Variants in NAALADL2 observed in about 807,000 individuals in gnomAD.
NAALADL2 encodes the protein N-acetylated alpha-linked acidic dipeptidase like 2, also known as inactive N-acetylated-alpha-linked acidic dipeptidase-like protein 2.
Under a neutral mutation model 87.2 loss-of-function variants are expected in NAALADL2, and 76 were observed. The ratio of observed to expected loss-of-function variants is 0.87; its 90% CI spans 0.72 to 1.05. The LOEUF (loss-of-function observed/expected upper bound fraction) is 1.05, where lower values mean the gene tolerates loss of function less well. NAALADL2 is among the 50% of genes least tolerant of loss of function. NAALADL2 has a pLI of 0.00. For missense variants in NAALADL2, 1,089 were observed against 945.8 expected, an observed-to-expected ratio of 1.15 and a Z score of -1.99; for synonymous variants, 354 against 331.0, an observed-to-expected ratio of 1.07 and a Z score of -0.75.
intron 1 of NAALADL2, among the ~76,000 whole-genome samples, chr3:175,011,889 A>G (rs2108808747): frequency 6.6e-6 from 1 of 152,272 alleles, no homozygotes; most frequent in East Asian, 1.9e-4. Context: ...AATAAAATTA[A>G]GTAGTATTAT....
intron 13 of NAALADL2, among the ~76,000 whole-genome samples, chr3:175,787,468 C>T (rs1205584314): frequency 2.6e-5 from 4 of 152,258 alleles, no homozygotes; most frequent in South Asian, 2.1e-4. Context: ...GGGAGTGACC[C>T]GATTTTCCAG....
chr3:175,024,926 C>T (rs1752028883), intron 1 of NAALADL2, among the ~76,000 whole-genome samples: 1 of 151,934 alleles, frequency 6.6e-6, no homozygotes, highest in Non-Finnish European at 1.5e-5. Flanking sequence ...ACCAGGCATA[C>T]AAACAGCATT....
intron 9 of NAALADL2, among the ~76,000 whole-genome samples, chr3:175,508,976 C>G (rs778170810): frequency 2.0e-5 from 3 of 151,902 alleles, no homozygotes; most frequent in Non-Finnish European, 4.4e-5. Context: ...ATTAGCCAGG[C>G]CTGCTAGCGC....
At position 174,642,767 on chromosome 3, in the gene NAALADL2, TATATATATATATATATATATA is replaced by T. The variant is rs1167522199; in HGVS notation, c.-115+92131_-115+92151del. ...AAAAAAACATATATATATATATATA[TATATATATATATATATATATA>T]TGTTTTTTTTCATGAAACTGGATCT... On this transcript the variant is annotated intron_variant, in intron 2 of 3. Transcript: ENST00000434257. Among the ~76,000 whole-genome samples the T allele has an allele frequency of 3.7e-3, 143 of 38,512 alleles. 1 individual carries two copies. Among genetic ancestry groups the T allele is most frequent in the African/African-American group, 0.017 (133 of 8,038 alleles). The allele number at this position is 38,512 out of a possible 152,430, so 25.3% of individuals were successfully genotyped here.
chr3:175,407,498 C>T (rs1435116849), intron 5 of NAALADL2, among the ~76,000 whole-genome samples: 2 of 152,096 alleles, frequency 1.3e-5, no homozygotes, highest in Admixed American at 6.6e-5. Flanking sequence ...TGTGTATTAC[C>T]TTCATGATGT....
At chr3:174,461,271 T>C (rs1333396968) in intron 1 of NAALADL2, among the ~76,000 whole-genome samples, 1 of 152,144 alleles carries the variant, frequency 6.6e-6, no homozygotes, top group Admixed American at 6.5e-5. Flanking sequence ...AATTAAGTAT[T>C]GATATTTTAT....
chr3:175,415,504 A>G (rs755919683), intron 5 of NAALADL2, among the ~76,000 whole-genome samples: 5 of 152,166 alleles, frequency 3.3e-5, no homozygotes, highest in African/African-American at 4.8e-5. Context: ...TAATTTATGT[A>G]GAAAATATAG....
At chr3:174,849,550 C>T (rs1485970121) in intron 3 of NAALADL2, among the ~76,000 whole-genome samples, 1 of 152,008 alleles carries the variant, frequency 6.6e-6, no homozygotes, top group Non-Finnish European at 1.5e-5. Context: ...GCCCTGCCAA[C>T]ACAGGGAAAC....
intron 10 of NAALADL2, among the ~76,000 whole-genome samples, chr3:175,579,301 T>C (rs531241727): frequency 7.2e-5 from 11 of 152,010 alleles, no homozygotes; most frequent in Non-Finnish European, 1.0e-4. Context: ...AGGTGAAAAA[T>C]TGAACTGTAG....
chr3:175,221,856 C>T (rs1010244873), intron 2 of NAALADL2, among the ~76,000 whole-genome samples: 1 of 151,892 alleles, frequency 6.6e-6, no homozygotes, highest in East Asian at 1.9e-4. Flanking sequence ...CTCACTGCAA[C>T]TTCCACCTCC....
intron 2 of NAALADL2, among the ~76,000 whole-genome samples, chr3:174,681,031 A>G (rs1333496147): frequency 6.6e-6 from 1 of 152,084 alleles, no homozygotes; most frequent in Non-Finnish European, 1.5e-5. Flanking sequence ...TGCTTGGAGG[A>G]GGGAGAGTGT....
chr3:174,928,308 C>T (rs1237190636), intron 1 of NAALADL2, among the ~76,000 whole-genome samples: 6 of 152,114 alleles, frequency 3.9e-5, no homozygotes, highest in African/African-American at 1.4e-4. Flanking sequence ...AATGCGATCT[C>T]GGCTCACTGC....
chr3:175,468,363 A>G (rs981546784), intron 8 of NAALADL2, among the ~76,000 whole-genome samples: 1 of 152,070 alleles, frequency 6.6e-6, no homozygotes, highest in African/African-American at 2.4e-5. Flanking sequence ...TAAGTTGACA[A>G]CTTTGTAAGT....
At chr3:174,450,828 C>A (rs1453183896) in intron 1 of NAALADL2, among the ~76,000 whole-genome samples, 1 of 140,960 alleles carries the variant, frequency 7.1e-6, no homozygotes, top group Non-Finnish European at 1.5e-5. Flanking sequence ...CGAGATCATG[C>A]CACTGCACTC....
At chr3:175,131,082 A>G (rs1018326090) in intron 2 of NAALADL2, among the ~76,000 whole-genome samples, 6 of 150,132 alleles carry the variant, frequency 4.0e-5, no homozygotes, top group Non-Finnish European at 5.9e-5. Context: ...AATTTCTTTT[A>G]TCAGTGTTTT....
intron 2 of NAALADL2, among the ~76,000 whole-genome samples, chr3:174,678,768 T>C (rs891905020): frequency 6.6e-6 from 1 of 152,156 alleles, no homozygotes; most frequent in African/African-American, 2.4e-5. Flanking sequence ...GTATCGATTA[T>C]TATTGTATAC....
At chr3:174,482,977 G>T (rs539822395) in intron 1 of NAALADL2, among the ~76,000 whole-genome samples, 1 of 151,960 alleles carries the variant, frequency 6.6e-6, no homozygotes, top group Non-Finnish European at 1.5e-5. Context: ...GTGATAATTT[G>T]TCAACCATTT....
At chr3:174,862,933 A>G (rs563878734) in intron 1 of NAALADL2, among the ~76,000 whole-genome samples, 3 of 152,224 alleles carry the variant, frequency 2.0e-5, no homozygotes, top group East Asian at 3.9e-4. Context: ...CTGGGGGAAG[A>G]TGTTCCAAGT....
Position 175,152,906 on chromosome 3 carries a change from C to CA in NAALADL2, c.545+55623dup, listed in dbSNP as rs1293005659. On this transcript the variant is annotated intron_variant, in intron 2 of 13. Transcript: ENST00000454872. ...TGGGCGACAGAGTGAGACTCTGTCT[C>CA]AAAAAAAAGAAAAAAAAATTCTAAT... Among the ~76,000 whole-genome samples, 391 of 147,338 alleles carry CA rather than the reference C, an allele frequency of 2.7e-3. 1 individual carries two copies. Among genetic ancestry groups the CA allele is most frequent in the African/African-American group, 9.5e-3 (377 of 39,862 alleles).
Sources: gnomAD v4.1 joint callset for allele counts (sites outside exome capture counted in the v4.1 genomes callset) on GRCh38, gnomAD v4.1.1 for gene constraint, MANE v1.5 for transcripts, NCBI Gene and HGNC (gene_info 2026-07-23, HGNC 2026-07-21) for gene names.